Variants in AGO3 observed in about 807,000 individuals in gnomAD.
AGO3 encodes the protein argonaute RISC catalytic component 3.
Under a neutral mutation model 105.5 loss-of-function variants are expected in AGO3, and 16 were observed. The observed-to-expected ratio is 0.15, with a 90% CI of 0.10 to 0.23. The LOEUF (loss-of-function observed/expected upper bound fraction) is 0.23, where lower values mean the gene tolerates loss of function less well. Among genes scored for constraint, AGO3 ranks in the 10% least tolerant of loss-of-function variants. The pLI is 1.00. For synonymous variants in AGO3, 340 were observed against 367.3 expected, an observed-to-expected ratio of 0.93 and a Z score of 0.85; for missense variants, 534 against 1,088.0, an observed-to-expected ratio of 0.49 and a Z score of 7.16.
Position 36,055,979 on chromosome 1 carries a change from T to C in AGO3, c.*234T>C. The C allele has an allele frequency of 2.6e-6, 1 of 380,660 alleles. No homozygotes were observed. The highest frequency in any genetic ancestry group is 6.5e-5 in the South Asian group (1 of 15,408). 23.6% of individuals were successfully genotyped at this position (380,660 alleles called of 1,614,324 possible). Reference sequence around the variant, plus strand: ...CAACTGCTTTTTGTGCGGTCTCCTATAGGAAGTATCGCAATTGTTTTGTTT... The same window carrying C: ...CAACTGCTTTTTGTGCGGTCTCCTACAGGAAGTATCGCAATTGTTTTGTTT... On this transcript the variant is annotated 3_prime_UTR_variant, in exon 19 of 19. Transcript: ENST00000373191. This position sits in a 1 kb window ranked among gnomAD's most constrained non-coding sequence, Gnocchi z 4.4.
At chr1:36,010,699 G>A (rs760772623) in intron 9 of AGO3, among the ~76,000 whole-genome samples, 7 of 151,786 alleles carry the variant, frequency 4.6e-5, no homozygotes, top group Non-Finnish European at 1.0e-4. Context: ...CCTGAGGTTG[G>A]GAGTTCAAGA....
At chr1:35,971,838 A>G (rs1236789123) in intron 3 of AGO3, among the ~76,000 whole-genome samples, 186 bp from the exon 4 acceptor site, 1 of 152,152 alleles carries the variant, frequency 6.6e-6, no homozygotes. Context: ...GTATTTTGCA[A>G]TGACACATAA....
intron 5 of AGO3, among the ~76,000 whole-genome samples, chr1:36,001,994 G>A (rs1640106007): frequency 6.6e-6 from 1 of 152,058 alleles, no homozygotes; most frequent in Non-Finnish European, 1.5e-5. Context: ...AGATAAAAAT[G>A]TTTTCTCGTA....
At chr1:36,021,014 C>T (rs1366395394) in intron 11 of AGO3, among the ~76,000 whole-genome samples, 1 of 152,080 alleles carries the variant, frequency 6.6e-6, no homozygotes, top group African/African-American at 2.4e-5. Flanking sequence ...CTCATTACAA[C>T]CTCTGCCTCC....
At chr1:36,036,361 C>G in intron 14 of AGO3, 94 bp downstream of exon 14, 1 of 1,193,768 alleles carries the variant, frequency 8.4e-7, no homozygotes, top group Non-Finnish European at 1.2e-6. Flanking sequence ...TTCTTTGTAG[C>G]CAACTTTCAT....
chr1:35,972,966 G>A (rs747323124), intron 4 of AGO3, among the ~76,000 whole-genome samples: 7 of 146,954 alleles, frequency 4.8e-5, no homozygotes, highest in Non-Finnish European at 1.0e-4. Flanking sequence ...CAAAGTGCTC[G>A]GATTACAGGT....
chr1:36,053,589 T>C (rs918163987), intron 17 of AGO3, among the ~76,000 whole-genome samples: 2 of 151,904 alleles, frequency 1.3e-5, no homozygotes, highest in African/African-American at 2.4e-5. Flanking sequence ...TTTGTTTTAT[T>C]ATTTATTTGA....
intron 11 of AGO3, among the ~76,000 whole-genome samples, chr1:36,018,652 C>T (rs1414087420): frequency 2.0e-5 from 3 of 152,004 alleles, no homozygotes; most frequent in Non-Finnish European, 1.5e-5. Context: ...AGGATGGTCT[C>T]GATCTCCTGA....
intron 5 of AGO3, among the ~76,000 whole-genome samples, chr1:35,997,264 G>C (rs1158069268): frequency 6.6e-6 from 1 of 152,034 alleles, no homozygotes; most frequent in Non-Finnish European, 1.5e-5. Context: ...GGGTGACAAA[G>C]TGAGACTCCA....
Position 35,945,675 on chromosome 1 carries a change from T to C in AGO3, c.20-17T>C, listed in dbSNP as rs748912666. On this transcript the variant is annotated splice_polypyrimidine_tract_variant and intron_variant, in intron 1 of 18. Transcript: ENST00000373191. ...GCTTGTAACTGTGACTCTTTTTTTT[T>C]CCCTTTCCCCTGGCAGGACCCGCTG... The C allele has an allele frequency of 2.7e-5, 43 of 1,606,158 alleles. No homozygotes were observed. Among genetic ancestry groups the C allele is most frequent in the East Asian group, 1.6e-4 (7 of 44,856 alleles).
chr1:35,989,031 T>C (rs1159280935), intron 5 of AGO3, among the ~76,000 whole-genome samples: 2 of 152,184 alleles, frequency 1.3e-5, no homozygotes, highest in South Asian at 2.1e-4. Context: ...ACAGCCTTTA[T>C]TGAACTTGAA....
At chr1:35,963,818 C>T (rs532107259) in intron 2 of AGO3, among the ~76,000 whole-genome samples, 2 of 152,164 alleles carry the variant, frequency 1.3e-5, no homozygotes, top group African/African-American at 4.8e-5. Flanking sequence ...TGTCAACAAC[C>T]AGTTGGGTGA....
intron 5 of AGO3, among the ~76,000 whole-genome samples, chr1:36,002,578 C>T (rs1569720494): frequency 2.0e-5 from 3 of 151,906 alleles, no homozygotes; most frequent in South Asian, 2.1e-4. Flanking sequence ...GCAGTCCACC[C>T]GCCTCGGCCT....
rs920949911 is a variant in AGO3 at position 36,058,762 on chromosome 1, T to A, written c.*3017T>A. The A allele has an allele frequency of 9.2e-5, 14 of 152,190 alleles. No homozygotes were observed. Among genetic ancestry groups the A allele is most frequent in the African/African-American group, 3.4e-4 (14 of 41,460 alleles). The allele number at this position is 152,190 out of a possible 1,614,324, so 9.4% of individuals were successfully genotyped here. A position where few individuals can be genotyped will look rare whatever the true frequency, so the allele number is the denominator to read the frequency against. On this transcript the variant is annotated 3_prime_UTR_variant, in exon 19 of 19. Coordinates refer to ENST00000373191, the MANE Select transcript of AGO3 (RefSeq NM_024852.4). ...GCAAAGAACTTTACAAAAGGTAATA[T>A]TTGTATCGTATATACATTTTTTCTC...
At position 36,062,540 on chromosome 1, in the gene AGO3, T is replaced by C. The variant is rs578137131; in HGVS notation, c.*6795T>C. 5 of 152,116 alleles carry C rather than the reference T, an allele frequency of 3.3e-5. No homozygotes were observed. The highest frequency in any genetic ancestry group is 5.9e-5 in the Non-Finnish European group (4 of 68,004). 9.4% of individuals were successfully genotyped at this position (152,116 alleles called of 1,614,324 possible). A position where few individuals can be genotyped will look rare whatever the true frequency, so the allele number is the denominator to read the frequency against. On this transcript the variant is annotated 3_prime_UTR_variant, in exon 19 of 19. Coordinates refer to ENST00000373191, the MANE Select transcript of AGO3 (RefSeq NM_024852.4). ...AGGCATTTAAAAGGGTATGATCAGT[T>C]AAATAGAAGTAGGGTCTGCAAATTG...
chr1:35,973,863 C>G (rs1481883081), intron 5 of AGO3, among the ~76,000 whole-genome samples: 2 of 151,988 alleles, frequency 1.3e-5, no homozygotes, highest in African/African-American at 4.8e-5. Flanking sequence ...GCATGGTGAC[C>G]CCCAGATGTT....
rs375628596 is a variant in AGO3, at chr1:35,979,613, TTC to T, written c.658+6104_658+6105del. Among the ~76,000 whole-genome samples, 8 of 152,304 alleles carry T rather than the reference TTC, an allele frequency of 5.3e-5. No individual in the cohort carries two copies. The East Asian group carries it at 1.2e-3, about 22-fold the overall frequency. On this transcript the variant is annotated intron_variant, in intron 5 of 18. Transcript: ENST00000373191. ...AATAAATTTCCTATTATTAATATCT[TTC>T]TGTTTCTTCTTTTATCTCCTGTAAT...
At chr1:36,050,515 G>T (rs1642664103) in intron 17 of AGO3, among the ~76,000 whole-genome samples, 1 of 151,552 alleles carries the variant, frequency 6.6e-6, no homozygotes, top group African/African-American at 2.4e-5. Context: ...ATAATTGCCG[G>T]GTGTGGTAGC....
intron 2 of AGO3, among the ~76,000 whole-genome samples, chr1:35,950,647 T>C (rs748123809): frequency 1.4e-4 from 21 of 152,204 alleles, no homozygotes; most frequent in Non-Finnish European, 2.8e-4. Flanking sequence ...GTATGTATGT[T>C]AAGTATATTT....
Sources: allele counts gnomAD v4.1 joint callset (sites outside exome capture counted in the v4.1 genomes callset), GRCh38; gene constraint gnomAD v4.1.1; non-coding constraint Gnocchi (gnomAD v3.1); transcripts MANE v1.5; gene names NCBI Gene and HGNC (gene_info 2026-07-23, HGNC 2026-07-21).